The following DGKQ variants were observed in gnomAD, a reference collection of about 807,000 sequenced individuals.
DGKQ encodes diacylglycerol kinase theta.
Under a neutral mutation model 104.2 loss-of-function variants are expected in DGKQ, and 97 were observed. That is an observed-to-expected ratio of 0.93 (90% CI 0.79 to 1.10). The LOEUF is 1.10. Ranked by LOEUF, DGKQ falls within the 50% of genes least tolerant of loss-of-function variation. DGKQ has a pLI of 0.00. For missense variants in DGKQ, 1,465 were observed against 1,352.1 expected, an observed-to-expected ratio of 1.08 and a Z score of -1.31; for synonymous variants, 736 against 595.2, an observed-to-expected ratio of 1.24 and a Z score of -3.44.
In DGKQ at chr4:973,202, G is replaced by A. The variant is rs1713077004; in HGVS notation, c.271+10C>T. On this transcript the variant is annotated intron_variant, in intron 1 of 22. Coordinates refer to ENST00000273814, the MANE Select transcript of DGKQ (RefSeq NM_001347.4). ...CTGCAGCCGGGTAGGCATCGGGCCC[G>A]GGCGCTCACCGTCGCACAGGAAGCC... 1 of 1,542,708 alleles carries A rather than the reference G, an allele frequency of 6.5e-7. No homozygotes were observed. The highest frequency in any genetic ancestry group is 8.7e-7 in the Non-Finnish European group (1 of 1,147,372).
intron 2 of DGKQ, among the ~76,000 whole-genome samples, chr4:970,626 C>A (rs1712851373): frequency 6.6e-6 from 1 of 152,180 alleles, no homozygotes; most frequent in African/African-American, 2.4e-5. Context: ...ATCTTGCAAA[C>A]TGAGGTCACG....
At position 971,824 on chromosome 4, in the gene DGKQ, C is replaced by CG. The variant is rs1467629101; in HGVS notation, c.272-753dup. Among the ~76,000 whole-genome samples, 2 of 152,110 alleles carry CG rather than the reference C, an allele frequency of 1.3e-5. No individual in the cohort carries two copies. The highest frequency in any genetic ancestry group is 2.9e-5 in the Non-Finnish European group (2 of 68,000). ...AGTGACACAACTGCCAAGACAGCCC[C>CG]GGGTGAAGGTTGTGCCACGGAGCCC... On this transcript the variant is annotated intron_variant, in intron 1 of 22. Transcript: ENST00000273814. The surrounding 1 kb of genome is among the most constrained non-coding windows in gnomAD (Gnocchi z 4.0).
Position 971,143 on chromosome 4 carries a change from GC to G in DGKQ, c.272-72del. On this transcript the variant is annotated intron_variant, in intron 1 of 22. Transcript: ENST00000273814. The surrounding 1 kb of genome is among the most constrained non-coding windows in gnomAD (Gnocchi z 4.0). The stretch of plus-strand genomic sequence containing the variant: ...GGCTGTCCTACCCAGGAAGTTAGAG[GC>G]CCCAGGGCAATGACTGCCATACCCA... The G allele has an allele frequency of 1.6e-6, 2 of 1,221,810 alleles. No homozygotes were observed. The highest frequency in any genetic ancestry group is 2.3e-6 in the Non-Finnish European group (2 of 853,438). The allele number at this position is 1,221,810 out of a possible 1,614,324, so 75.7% of individuals were successfully genotyped here. A position where few individuals can be genotyped will look rare whatever the true frequency, so the allele number is the denominator to read the frequency against.
chr4:961,955 AGGT>A, intron 19 of DGKQ, 24 bp downstream of exon 19: 1 of 1,611,708 alleles, frequency 6.2e-7, no homozygotes, highest in Non-Finnish European at 8.5e-7. Context: ...TGCCGTTGAC[AGGT>A]GGTAGCCCCT....
intron 15 of DGKQ, among the ~76,000 whole-genome samples, chr4:964,640 G>A (rs958992310): frequency 3.9e-5 from 6 of 152,262 alleles, no homozygotes; most frequent in African/African-American, 9.6e-5. Flanking sequence ...GAAGGGCAGC[G>A]TTCAAAGTTT....
Position 960,290 on chromosome 4 carries a change from G to A in DGKQ, c.*330C>T. ...CAGCTCAAGGGGCTCAGTGGGGAGAGGGATGGGTGCCCACCCCTGAGGAGA... is the reference window on the plus strand; with the variant it reads ...CAGCTCAAGGGGCTCAGTGGGGAGAAGGATGGGTGCCCACCCCTGAGGAGA... On this transcript the variant is annotated 3_prime_UTR_variant, in exon 23 of 23. Coordinates refer to ENST00000273814, the MANE Select transcript of DGKQ (RefSeq NM_001347.4). The A allele has an allele frequency of 2.5e-6, 1 of 393,026 alleles. No individual in the cohort carries two copies. Among genetic ancestry groups the A allele is most frequent in the Non-Finnish European group, 4.7e-6 (1 of 210,818 alleles). The allele number at this position is 393,026 out of a possible 1,614,324, so 24.3% of individuals were successfully genotyped here.
Position 967,322 on chromosome 4 carries a change from C to T in DGKQ, c.1027G>A (p.Gly343Ser), listed in dbSNP as rs1234290628. 6.5e-7 allele frequency: 1 copy of T among 1,538,588 alleles called. No individual in the cohort carries two copies. The highest frequency in any genetic ancestry group is 1.2e-5 in the South Asian group (1 of 84,204). ...GGCAGCCGGCACAGCTCCAGGTGGC[C>T]AGGGTCCTCGGGGATGTGGTGGGCC... ...LRAHHIPEDP[G>S]HLELCRLPPS... Residue 343 changes from glycine to serine, a missense_variant, in exon 9 of 23, where the codon GGC becomes AGC. Gly to Ser is a moderately conservative substitution (Grantham distance 56, BLOSUM62 0). Coordinates refer to ENST00000273814, the MANE Select transcript of DGKQ (RefSeq NM_001347.4).
chr4:966,038 G>A lies in DGKQ; in HGVS notation c.1469C>T (p.Ala490Val). Residue 490 changes from alanine to valine, a missense_variant, in exon 13 of 23, where the codon GCA becomes GTA. By Grantham distance (64) the Ala-to-Val change is moderately conservative (BLOSUM62 0). Coordinates refer to ENST00000273814, the MANE Select transcript of DGKQ (RefSeq NM_001347.4). ...GTGCGGGGCTACATCCCTGCTCTCTGCCACGTAGAACCGCGTCTGGCTCAC... is the reference window on the plus strand; with the variant it reads ...GTGCGGGGCTACATCCCTGCTCTCTACCACGTAGAACCGCGTCTGGCTCAC... ...RQVSQTRFYVAESRDVAPHVS... is the reference protein window; with the variant it reads ...RQVSQTRFYVVESRDVAPHVS... The A allele has an allele frequency of 1.9e-6, 3 of 1,604,282 alleles. No individual in the cohort carries two copies. The highest frequency in any genetic ancestry group is 1.1e-5 in the South Asian group (1 of 89,118).
In DGKQ at chr4:960,604, GC is replaced by G. The variant is rs1243753526; in HGVS notation, c.*15del. 1.9e-6 allele frequency: 3 copies of G among 1,605,468 alleles called. No individual in the cohort carries two copies. The African/African-American group carries it at 4.0e-5, about 21-fold the overall frequency. ...GAGCAGAGATGGCTCGAGCCCTTGGGCTGCCCCAGCCACCCCTACCTAGGAT... is the reference window on the plus strand; with the variant it reads ...GAGCAGAGATGGCTCGAGCCCTTGGGTGCCCCAGCCACCCCTACCTAGGAT... On this transcript the variant is annotated 3_prime_UTR_variant, in exon 23 of 23. Coordinates refer to ENST00000273814, the MANE Select transcript of DGKQ (RefSeq NM_001347.4).
Position 960,696 on chromosome 4 carries a change from T to C in DGKQ, c.2753A>G (p.Gln918Arg), listed in dbSNP as rs1384304035. ...GGTGGTCCCGGCCCTCCTCGGCTTC[T>C]GCTTGGCCTTCCTCAGCATGTGCAC... ...PKVHMLRKAK[Q>R]KPRRAGTTRD... The change falls in exon 23 of 23, where the codon CAG becomes CGG. Residue 918 changes from glutamine (Q) to arginine (R), a missense_variant. Transcript: ENST00000273814. 10 of 1,612,138 alleles carry C rather than the reference T, an allele frequency of 6.2e-6. No individual in the cohort carries two copies. Among genetic ancestry groups the C allele is most frequent in the Non-Finnish European group, 8.5e-6 (10 of 1,179,730 alleles).
At position 968,278 on chromosome 4, in the gene DGKQ, C is replaced by T; in HGVS notation, c.663+4G>A. ...CCCCACCCCCTCGACTTCCCAGCGC[C>T]CACCTGGACCCCGCACCACTCGCAG... On this transcript the variant is annotated splice_donor_region_variant and intron_variant, in intron 5 of 22. Coordinates refer to ENST00000273814, the MANE Select transcript of DGKQ (RefSeq NM_001347.4). 6.6e-7 allele frequency: 1 copy of T among 1,505,508 alleles called. No homozygotes were observed. Among genetic ancestry groups the T allele is most frequent in the South Asian group, 1.2e-5 (1 of 81,658 alleles). The allele number at this position is 1,505,508 out of a possible 1,614,324, so 93.3% of individuals were successfully genotyped here. A position where few individuals can be genotyped will look rare whatever the true frequency, so the allele number is the denominator to read the frequency against.
Position 971,115 on chromosome 4 carries a change from A to G in DGKQ, c.272-43T>C. The G allele has an allele frequency of 1.4e-6, 2 of 1,463,396 alleles. No homozygotes were observed. The highest frequency in any genetic ancestry group is 4.9e-5 in the East Asian group (2 of 40,516). The allele number at this position is 1,463,396 out of a possible 1,614,324, so 90.7% of individuals were successfully genotyped here. A position where few individuals can be genotyped will look rare whatever the true frequency, so the allele number is the denominator to read the frequency against. On this transcript the variant is annotated intron_variant, in intron 1 of 22. Transcript: ENST00000273814. The surrounding 1 kb of genome is among the most constrained non-coding windows in gnomAD (Gnocchi z 4.0). The stretch of plus-strand genomic sequence containing the variant: ...GTGTGAGTTGGCCCCTGTCCTACCC[A>G]ATGGCTGTCCTACCCAGGAAGTTAG...
Position 973,510 on chromosome 4 carries a change from T to C in DGKQ, c.-28A>G, listed in dbSNP as rs1160995049. ...CCGGCCCGAGCGGCCCGAGCCCCTT[T>C]AGGTCCGCGCCGGGGGTACAGGAGC... is the stretch of plus-strand genomic sequence containing the variant. On this transcript the variant is annotated 5_prime_UTR_variant, in exon 1 of 23. Transcript: ENST00000273814. 9 of 985,852 alleles carry C rather than the reference T, an allele frequency of 9.1e-6. No homozygotes were observed. The East Asian group carries it at 4.5e-4, about 49-fold the overall frequency. 61.1% of individuals were successfully genotyped at this position (985,852 alleles called of 1,614,324 possible).
In DGKQ at chr4:960,255, C is replaced by A. The variant is rs1447114304; in HGVS notation, c.*365G>T. 6.8e-6 allele frequency: 2 copies of A among 293,620 alleles called. No homozygotes were observed. The highest frequency in any genetic ancestry group is 4.3e-5 in the Admixed American group (1 of 23,052). The allele number at this position is 293,620 out of a possible 1,614,324, so 18.2% of individuals were successfully genotyped here. The stretch of plus-strand genomic sequence containing the variant: ...CAGACCCACCTGGACGGCCTGCATC[C>A]AGCACTGTCCAGCTCAAGGGGCTCA... On this transcript the variant is annotated 3_prime_UTR_variant, in exon 23 of 23. Coordinates refer to ENST00000273814, the MANE Select transcript of DGKQ (RefSeq NM_001347.4).
chr4:960,232 G>C lies in DGKQ; in HGVS notation c.*388C>G. On this transcript the variant is annotated 3_prime_UTR_variant, in exon 23 of 23. Transcript: ENST00000273814. ...GCCCGAGGGGCACAAAGTGAGATCA[G>C]ACCCACCTGGACGGCCTGCATCCAG... 2 of 220,232 alleles carry C rather than the reference G, an allele frequency of 9.1e-6. No homozygotes were observed. Among genetic ancestry groups the C allele is most frequent in the Non-Finnish European group, 1.8e-5 (2 of 109,388 alleles). The allele number at this position is 220,232 out of a possible 1,614,324, so 13.6% of individuals were successfully genotyped here.
At position 967,238 on chromosome 4, in the gene DGKQ, A is replaced by G; in HGVS notation, c.1111T>C (p.Ser371Pro). ...AGGKAGSAVI[S>P]EEGRSPGSGE... ...GACCCGGGGCTTCTGCCCTCCTCCG[A>G]GATCACAGCACTCCCAGCCTTGCCC... The change falls in exon 9 of 23, where the codon TCG becomes CCG. Residue 371 changes from serine to proline, a missense_variant. Ser to Pro is a moderately conservative substitution (Grantham distance 74, BLOSUM62 -1). Coordinates refer to ENST00000273814, the MANE Select transcript of DGKQ (RefSeq NM_001347.4). 1 of 1,570,620 alleles carries G rather than the reference A, an allele frequency of 6.4e-7. No homozygotes were observed. The highest frequency in any genetic ancestry group is 8.6e-7 in the Non-Finnish European group (1 of 1,161,140).
At chr4:966,301 C>T in intron 12 of DGKQ, 165 bp downstream of exon 12, 1 of 861,100 alleles carries the variant, frequency 1.2e-6, no homozygotes, top group African/African-American at 1.7e-5. Flanking sequence ...TCGAGGCCTC[C>T]CTGCAGGGAC....
chr4:966,044 T>C lies in DGKQ; in HGVS notation c.1463A>G (p.Tyr488Cys), dbSNP rs750904230. ...GGCTACATCCCTGCTCTCTGCCACG[T>C]AGAACCGCGTCTGGCTCACCTGCCG... The part of the protein sequence containing the change: ...SVRQVSQTRF[Y>C]VAESRDVAPH... Residue 488 changes from tyrosine to cysteine, a missense_variant, in exon 13 of 23, where the codon TAC becomes TGC. By Grantham distance (194) the Tyr-to-Cys change is radical. Coordinates refer to ENST00000273814, the MANE Select transcript of DGKQ (RefSeq NM_001347.4). 1.9e-5 allele frequency: 31 copies of C among 1,603,760 alleles called. No homozygotes were observed. The highest frequency in any genetic ancestry group is 3.4e-5 in the Admixed American group (2 of 58,616).
intron 22 of DGKQ, 134 bp downstream of exon 22, chr4:960,915 G>C: frequency 6.7e-7 from 1 of 1,499,456 alleles, no homozygotes; most frequent in Non-Finnish European, 8.9e-7. Context: ...CTCCTCTGAA[G>C]CAGGCACCCT....
Sources: allele counts gnomAD v4.1 joint callset (sites outside exome capture counted in the v4.1 genomes callset), GRCh38; gene constraint gnomAD v4.1.1; non-coding constraint Gnocchi (gnomAD v3.1); transcripts MANE v1.5; gene names NCBI Gene and HGNC (gene_info 2026-07-23, HGNC 2026-07-21).